Variants in NRF1 observed in about 807,000 individuals in gnomAD.
The protein encoded by NRF1 is alpha palindromic-binding protein.
NRF1 carries 5 observed loss-of-function variants against 58.5 expected under a neutral mutation model. That is an observed-to-expected ratio of 0.09 (90% confidence interval 0.04 to 0.18). The LOEUF (loss-of-function observed/expected upper bound fraction) is 0.18. NRF1 is among the 10% of genes least tolerant of loss of function. The pLI, the probability that NRF1 is intolerant of heterozygous loss-of-function variation, is 1.00. For missense variants in NRF1, 288 were observed against 657.7 expected, an observed-to-expected ratio of 0.44 and a Z score of 6.15; for synonymous variants, 224 against 246.7, an observed-to-expected ratio of 0.91 and a Z score of 0.86.
chr7:129,637,833 T>C (rs1406156714), intron 1 of NRF1, among the ~76,000 whole-genome samples: 1 of 151,632 alleles, frequency 6.6e-6, no homozygotes, highest in Non-Finnish European at 1.5e-5. Flanking sequence ...TCATAAACTT[T>C]CTTAAAACAT....
chr7:129,747,993 C>T (rs759139719), intron 10 of NRF1, among the ~76,000 whole-genome samples: 6 of 152,046 alleles, frequency 3.9e-5, no homozygotes, highest in Non-Finnish European at 7.4e-5. Context: ...AGACAGTCCT[C>T]GGCCGGGCGC....
intron 10 of NRF1, 138 bp downstream of exon 10, chr7:129,727,503 G>T: frequency 1.3e-6 from 1 of 774,190 alleles, no homozygotes; most frequent in Non-Finnish European, 1.9e-6. Flanking sequence ...TCATGCCTAG[G>T]AATATTCTGG....
chr7:129,615,683 C>T (rs1383061611), intron 1 of NRF1, among the ~76,000 whole-genome samples: 2 of 152,050 alleles, frequency 1.3e-5, no homozygotes, highest in Non-Finnish European at 2.9e-5. Context: ...TTATTTAGAC[C>T]AAGTCCAATG....
rs990072011 is a variant in NRF1, at chr7:129,652,926, GTA to G, written c.-6-4415_-6-4414del. ...ACTTCTTTGCACAGAAATTACACTG[GTA>G]TATAGGGTAATTTTAAAAAGTTAGT... On this transcript the variant is annotated intron_variant, in intron 1 of 10. Coordinates refer to ENST00000393232, the MANE Select transcript of NRF1 (RefSeq NM_005011.5). Among the ~76,000 whole-genome samples the G allele has an allele frequency of 1.5e-3, 233 of 152,254 alleles. 1 individual carries two copies. Among genetic ancestry groups the G allele is most frequent in the African/African-American group, 5.0e-3 (206 of 41,536 alleles).
chr7:129,742,338 C>T (rs910985673), intron 10 of NRF1, among the ~76,000 whole-genome samples: 2 of 146,824 alleles, frequency 1.4e-5, no homozygotes, highest in Admixed American at 6.8e-5. Context: ...ATCTGAGAAT[C>T]ATTGAAGGGG....
intron 1 of NRF1, among the ~76,000 whole-genome samples, chr7:129,638,203 T>A (rs1218304740): frequency 6.6e-6 from 1 of 152,146 alleles, no homozygotes; most frequent in East Asian, 1.9e-4. Flanking sequence ...TCAAGACCTG[T>A]GTTATCCCAG....
At chr7:129,658,880 G>A (rs1399983119) in intron 2 of NRF1, among the ~76,000 whole-genome samples, 1 of 152,040 alleles carries the variant, frequency 6.6e-6, no homozygotes, top group African/African-American at 2.4e-5. Flanking sequence ...ACAACTATTT[G>A]TATAGCATTT....
intron 1 of NRF1, among the ~76,000 whole-genome samples, chr7:129,654,495 A>G (rs1243959815): frequency 1.3e-5 from 2 of 152,060 alleles, no homozygotes; most frequent in Non-Finnish European, 2.9e-5. Flanking sequence ...TTTTGCTTTT[A>G]TGGATTGCGC....
intron 8 of NRF1, among the ~76,000 whole-genome samples, chr7:129,715,548 A>T (rs1803166396): frequency 6.6e-6 from 1 of 152,248 alleles, no homozygotes; most frequent in South Asian, 2.1e-4. Flanking sequence ...AAAAATAAAC[A>T]TGCCAAATAA....
chr7:129,641,749 G>A (rs62489268), intron 1 of NRF1: 29,092 of 151,712 alleles, frequency 0.19, 3,049 homozygotes, highest in East Asian at 0.47. Context: ...GTGTGATCTC[G>A]GCTCTCTGCA....
Position 129,690,471 on chromosome 7 carries a change from G to A in NRF1, c.531G>A (p.Ala177=), listed in dbSNP as rs370854166. ...LESALAEHAP[A]PQEVNSELPP... ...CTGCTCTGGCAGAACACGCCCCTGCGCCACAGGAGGTTAACTCAGAACTGC... is the reference window on the plus strand; with the variant it reads ...CTGCTCTGGCAGAACACGCCCCTGCACCACAGGAGGTTAACTCAGAACTGC... Residue 177 remains alanine (A), a synonymous_variant, in exon 5 of 11, where the codon GCG becomes GCA. Transcript: ENST00000393232. 1.5e-5 allele frequency: 25 copies of A among 1,614,104 alleles called. No homozygotes were observed. Among genetic ancestry groups the A allele is most frequent in the African/African-American group, 6.7e-5 (5 of 75,024 alleles).
chr7:129,743,921 C>T (rs537815120), intron 10 of NRF1, among the ~76,000 whole-genome samples: 1 of 152,284 alleles, frequency 6.6e-6, no homozygotes, highest in Non-Finnish European at 1.5e-5. Context: ...CAAATTCCAA[C>T]GGCGAGGGGG....
At chr7:129,664,134 G>A (rs976807307) in intron 2 of NRF1, among the ~76,000 whole-genome samples, 2 of 151,980 alleles carry the variant, frequency 1.3e-5, no homozygotes, top group African/African-American at 2.4e-5. Flanking sequence ...ACGGGAAAGG[G>A]GGAGGGGGAG....
intron 1 of NRF1, among the ~76,000 whole-genome samples, chr7:129,625,675 ATTT>A (rs56694598): frequency 2.2e-5 from 2 of 88,996 alleles, no homozygotes; most frequent in Non-Finnish European, 4.0e-5. Context: ...TAATGTTTTA[ATTT>A]TTTTTTTTTT....
At chr7:129,744,176 T>C in intron 10 of NRF1, 1 of 1,492,864 alleles carries the variant, frequency 6.7e-7, no homozygotes, top group East Asian at 2.5e-5. Flanking sequence ...TTGTCAGGCC[T>C]CTTTATGGCA....
intron 1 of NRF1, among the ~76,000 whole-genome samples, chr7:129,641,405 C>T (rs900406584): frequency 1.3e-5 from 2 of 152,258 alleles, no homozygotes; most frequent in African/African-American, 2.4e-5. Flanking sequence ...ACCCCCTTCA[C>T]GTCCCTCTTT....
At chr7:129,712,296 G>T (rs183257995) in intron 8 of NRF1, among the ~76,000 whole-genome samples, 1 of 152,334 alleles carries the variant, frequency 6.6e-6, no homozygotes, top group African/African-American at 2.4e-5. Flanking sequence ...GAAGGAAGGG[G>T]TTTGTTACGT....
At chr7:129,707,350 G>T (rs534581264) in intron 5 of NRF1, among the ~76,000 whole-genome samples, 1 of 152,236 alleles carries the variant, frequency 6.6e-6, no homozygotes, top group Non-Finnish European at 1.5e-5. Flanking sequence ...ATTTTCTCCA[G>T]ACTCTCCTAG....
At chr7:129,722,710 G>T (rs1054893085) in intron 9 of NRF1, among the ~76,000 whole-genome samples, 1 of 152,100 alleles carries the variant, frequency 6.6e-6, no homozygotes, top group East Asian at 1.9e-4. Context: ...AGTTTTTAGG[G>T]CTTTAAGTGG....
Sources: gnomAD v4.1 joint callset for allele counts (sites outside exome capture counted in the v4.1 genomes callset) on GRCh38, gnomAD v4.1.1 for gene constraint, MANE v1.5 for transcripts, NCBI Gene and HGNC (gene_info 2026-07-23, HGNC 2026-07-21) for gene names.